CA13: variants seen among roughly 807,000 people sequenced by gnomAD.
CA13 encodes carbonic anhydrase 13.
A neutral mutation model predicts 31.5 loss-of-function variants in CA13; 21 were observed. That is an observed-to-expected ratio of 0.67 (90% CI 0.47 to 0.96). CA13 has a LOEUF of 0.96. CA13 is among the 40% of genes least tolerant of loss of function. The probability of loss-of-function intolerance (pLI) is 0.00; values close to 1 mark genes in which losing one functional copy is unlikely to be tolerated. For synonymous variants in CA13, 117 were observed against 111.4 expected, an observed-to-expected ratio of 1.05 and a Z score of -0.32; for missense variants, 315 against 318.9, an observed-to-expected ratio of 0.99 and a Z score of 0.09.
intron 6 of CA13, among the ~76,000 whole-genome samples, chr8:85,276,656 C>T (rs1201757023): frequency 6.6e-6 from 1 of 151,946 alleles, no homozygotes; most frequent in Non-Finnish European, 1.5e-5. Context: ...TGTAGCTACT[C>T]TGGTGGGGAC....
chr8:85,259,356 G>A (rs1426566523), intron 2 of CA13, 65 bp from the exon 3 acceptor site: 2 of 1,267,540 alleles, frequency 1.6e-6, no homozygotes, highest in African/African-American at 1.5e-5. Context: ...GGGAGATGTT[G>A]TGGTTTGAGC....
At chr8:85,253,224 C>T (rs531084739) in intron 2 of CA13, among the ~76,000 whole-genome samples, 206 of 151,952 alleles carry the variant, frequency 1.4e-3, no homozygotes, top group Admixed American at 4.9e-3. Context: ...GGATTACAGG[C>T]GTGAGCCACT....
chr8:85,251,771 T>TC (rs1423429295), intron 2 of CA13, among the ~76,000 whole-genome samples: 4 of 152,206 alleles, frequency 2.6e-5, no homozygotes, highest in Non-Finnish European at 5.9e-5. Flanking sequence ...CCACAGTCTC[T>TC]CCTGAAGTAA....
Position 85,259,305 on chromosome 8 carries a change from T to TA in CA13, c.236-110dup, listed in dbSNP as rs771816950. 168 of 760,206 alleles carry TA rather than the reference T, an allele frequency of 2.2e-4. 1 individual carries two copies. Among genetic ancestry groups the TA allele is most frequent in the Admixed American group, 1.4e-3 (66 of 48,790 alleles). The allele number at this position is 760,206 out of a possible 1,614,324, so 47.1% of individuals were successfully genotyped here. A position where few individuals can be genotyped will look rare whatever the true frequency, so the allele number is the denominator to read the frequency against. ...GTCAGCAAAGCAAATGACACATTTGTAAAAAATTCCTTGGAGGACATGGAT... is the reference window on the plus strand; with the variant it reads ...GTCAGCAAAGCAAATGACACATTTGTAAAAAAATTCCTTGGAGGACATGGAT... On this transcript the variant is annotated intron_variant, in intron 2 of 6. Coordinates refer to ENST00000321764, the MANE Select transcript of CA13 (RefSeq NM_198584.3).
At chr8:85,246,431 T>G in intron 1 of CA13, 1 of 456,100 alleles carries the variant, frequency 2.2e-6, no homozygotes, top group Non-Finnish European at 4.4e-6. Context: ...AATTTGCAGT[T>G]GGCTGACTAC....
At chr8:85,248,298 A>T (rs1813764874) in intron 1 of CA13, among the ~76,000 whole-genome samples, 1 of 152,032 alleles carries the variant, frequency 6.6e-6, no homozygotes, top group South Asian at 2.1e-4. Flanking sequence ...TTTCTACTAA[A>T]AATACAAAAT....
intron 2 of CA13, among the ~76,000 whole-genome samples, chr8:85,259,156 G>A (rs1470466689): frequency 6.6e-6 from 1 of 152,110 alleles, no homozygotes; most frequent in Non-Finnish European, 1.5e-5. Context: ...TAATTTCTAT[G>A]CCTTTCTAAC....
At chr8:85,251,459 T>C (rs1426657064) in intron 2 of CA13, among the ~76,000 whole-genome samples, 2 of 152,204 alleles carry the variant, frequency 1.3e-5, no homozygotes, top group African/African-American at 4.8e-5. Flanking sequence ...AAAGGATATG[T>C]TGCATGATAA....
At chr8:85,268,370 A>C in intron 5 of CA13, 102 bp from the exon 6 acceptor site, 1 of 986,170 alleles carries the variant, frequency 1.0e-6, no homozygotes, top group Non-Finnish European at 1.5e-6. Flanking sequence ...GATATTCTGT[A>C]TTGTTTATGG....
chr8:85,250,985 A>C (rs753463298), intron 2 of CA13, 48 bp downstream of exon 2: 14 of 1,323,452 alleles, frequency 1.1e-5, no homozygotes, highest in Non-Finnish European at 1.5e-5. Context: ...AAGGGTTTGA[A>C]TGATTAGACT....
chr8:85,248,384 G>A (rs1350231863), intron 1 of CA13, among the ~76,000 whole-genome samples: 2 of 151,696 alleles, frequency 1.3e-5, no homozygotes, highest in Non-Finnish European at 2.9e-5. Flanking sequence ...TTGAACCTGG[G>A]AGGCAGAGGT....
intron 6 of CA13, among the ~76,000 whole-genome samples, chr8:85,280,384 G>A (rs1807684417): frequency 1.3e-5 from 2 of 152,160 alleles, no homozygotes; most frequent in African/African-American, 4.8e-5. Context: ...ATAAACTGTT[G>A]CCTATTTCTT....
chr8:85,256,591 A>G (rs1807300373), intron 2 of CA13, among the ~76,000 whole-genome samples: 1 of 152,218 alleles, frequency 6.6e-6, no homozygotes, highest in Non-Finnish European at 1.5e-5. Context: ...CAACAAACAG[A>G]AAAAGATTTA....
chr8:85,281,428 A>G lies in CA13; in HGVS notation c.*79A>G, dbSNP rs898157858. 104 of 1,547,396 alleles carry G rather than the reference A, an allele frequency of 6.7e-5. No homozygotes were observed. The highest frequency in any genetic ancestry group is 2.0e-4 in the Middle Eastern group (1 of 5,052). ...AAACAAAGCACAAAAGTCTCTGCCA[A>G]CAACTCTTTTGTGGAATTCTAATTT... On this transcript the variant is annotated 3_prime_UTR_variant, in exon 7 of 7. Transcript: ENST00000321764.
chr8:85,251,722 A>G (rs1302559162), intron 2 of CA13, among the ~76,000 whole-genome samples: 1 of 152,226 alleles, frequency 6.6e-6, no homozygotes, highest in Non-Finnish European at 1.5e-5. Flanking sequence ...AAATGAAACA[A>G]TATGGAAACA....
rs1197078566 is a variant in CA13 at position 85,250,956 on chromosome 8, G to T, written c.235+19G>T. ...AAATCAGGTTGGCTTTTCTTTTTTTGTGTGTGTGGTGGTGGATGAAGGGTT... is the reference window on the plus strand; with the variant it reads ...AAATCAGGTTGGCTTTTCTTTTTTTTTGTGTGTGGTGGTGGATGAAGGGTT... On this transcript the variant is annotated intron_variant, in intron 2 of 6. Coordinates refer to ENST00000321764, the MANE Select transcript of CA13 (RefSeq NM_198584.3). The T allele has an allele frequency of 3.2e-6, 5 of 1,573,882 alleles. No individual in the cohort carries two copies. Among genetic ancestry groups the T allele is most frequent in the Non-Finnish European group, 3.5e-6 (4 of 1,146,138 alleles).
At chr8:85,255,833 C>T (rs973491228) in intron 2 of CA13, among the ~76,000 whole-genome samples, 1 of 152,186 alleles carries the variant, frequency 6.6e-6, no homozygotes, top group South Asian at 2.1e-4. Context: ...ACCTGAGGCC[C>T]TACCACCCTT....
At position 85,281,454 on chromosome 8, in the gene CA13, A is replaced by G. The variant is rs1008159987; in HGVS notation, c.*105A>G. The G allele has an allele frequency of 4.0e-6, 6 of 1,498,180 alleles. No individual in the cohort carries two copies. The highest frequency in any genetic ancestry group is 2.3e-5 in the East Asian group (1 of 42,918). 92.8% of individuals were successfully genotyped at this position (1,498,180 alleles called of 1,614,324 possible). A position where few individuals can be genotyped will look rare whatever the true frequency, so the allele number is the denominator to read the frequency against. Reference sequence around the variant, plus strand: ...CAACTCTTTTGTGGAATTCTAATTTATAGGAAACATTTTAGTATGAGCTTC... The same window carrying G: ...CAACTCTTTTGTGGAATTCTAATTTGTAGGAAACATTTTAGTATGAGCTTC... On this transcript the variant is annotated 3_prime_UTR_variant, in exon 7 of 7. Coordinates refer to ENST00000321764, the MANE Select transcript of CA13 (RefSeq NM_198584.3).
intron 2 of CA13, among the ~76,000 whole-genome samples, chr8:85,251,407 C>T (rs890825458): frequency 1.3e-5 from 2 of 151,996 alleles, no homozygotes; most frequent in African/African-American, 4.8e-5. Flanking sequence ...TATATTTGAA[C>T]CTTCAGATAA....
Sources: gnomAD v4.1 joint callset for allele counts (sites outside exome capture counted in the v4.1 genomes callset) on GRCh38, gnomAD v4.1.1 for gene constraint, MANE v1.5 for transcripts, NCBI Gene and HGNC (gene_info 2026-07-23, HGNC 2026-07-21) for gene names.